The following SLCO5A1 variants were observed in gnomAD, a reference collection of about 807,000 sequenced individuals.
SLCO5A1 encodes the protein solute carrier organic anion transporter family member 5A1, also known as organic anion transporter polypeptide-related protein 4.
Under a neutral mutation model 65.1 loss-of-function variants are expected in SLCO5A1, and 39 were observed. The ratio of observed to expected loss-of-function variants is 0.60; its 90% confidence interval spans 0.46 to 0.78. The LOEUF (loss-of-function observed/expected upper bound fraction) is 0.78, where lower values mean the gene tolerates loss of function less well. Among genes scored for constraint, SLCO5A1 ranks in the 30% least tolerant of loss-of-function variants. The probability of loss-of-function intolerance (pLI) is 0.00; values close to 1 mark genes in which losing one functional copy is unlikely to be tolerated. For missense variants in SLCO5A1, 1,029 were observed against 1,069.4 expected, an observed-to-expected ratio of 0.96 and a Z score of 0.53; for synonymous variants, 438 against 415.7, an observed-to-expected ratio of 1.05 and a Z score of -0.65.
chr8:69,795,459 TA>T (rs1243622612), intron 2 of SLCO5A1, among the ~76,000 whole-genome samples: 1 of 152,150 alleles, frequency 6.6e-6, no homozygotes, highest in Non-Finnish European at 1.5e-5. Context: ...AGGCAGTCAT[TA>T]AATCATAAGC....
chr8:69,782,471 T>C (rs992796940), intron 2 of SLCO5A1, among the ~76,000 whole-genome samples: 3 of 149,690 alleles, frequency 2.0e-5, no homozygotes, highest in African/African-American at 7.4e-5. Flanking sequence ...CCTCAACTAC[T>C]CAGGAGGCTG....
chr8:69,802,328 C>T (rs1819777273), intron 2 of SLCO5A1, among the ~76,000 whole-genome samples: 1 of 151,150 alleles, frequency 6.6e-6, no homozygotes, highest in South Asian at 2.1e-4. Context: ...CATAGTGAGA[C>T]CTCATCTCTA....
chr8:69,682,663 A>T (rs952959879), intron 6 of SLCO5A1, among the ~76,000 whole-genome samples: 2 of 151,950 alleles, frequency 1.3e-5, no homozygotes, highest in South Asian at 2.1e-4. Context: ...TAATATAACT[A>T]CTCACTTACT....
chr8:69,688,752 G>C lies in SLCO5A1; in HGVS notation c.1623-6409C>G, dbSNP rs368177611. ...CAGTCTATCATTGTTGGACATTTGG[G>C]TTGGTTCCAAGTCTTTGCTATTGTG... On this transcript the variant is annotated intron_variant, in intron 6 of 9. Coordinates refer to ENST00000260126, the MANE Select transcript of SLCO5A1 (RefSeq NM_030958.3). 3.9e-4 allele frequency among the ~76,000 whole-genome samples: 60 copies of C among 152,202 alleles called. 1 individual carries two copies. In the South Asian group the frequency reaches 7.0e-3, roughly 18 times the overall value.
At chr8:69,768,527 T>C (rs1818178210) in intron 2 of SLCO5A1, among the ~76,000 whole-genome samples, 1 of 152,118 alleles carries the variant, frequency 6.6e-6, no homozygotes, top group African/African-American at 2.4e-5. Context: ...ATTTCCTCAG[T>C]TTAAGAGGGT....
Position 69,667,161 on chromosome 8 carries a change from C to A in SLCO5A1, c.*5708G>T, listed in dbSNP as rs561354814. ...TCGACAACAGATTTCATTAAACACA[C>A]GGAAATTATACATCTTTTAAATTAC... On this transcript the variant is annotated 3_prime_UTR_variant, in exon 10 of 10. Transcript: ENST00000260126. 18 of 152,150 alleles carry A rather than the reference C, an allele frequency of 1.2e-4. No individual in the cohort carries two copies. The highest frequency in any genetic ancestry group is 2.5e-4 in the Non-Finnish European group (17 of 68,024). The allele number at this position is 152,150 out of a possible 1,614,324, so 9.4% of individuals were successfully genotyped here. A position where few individuals can be genotyped will look rare whatever the true frequency, so the allele number is the denominator to read the frequency against.
intron 2 of SLCO5A1, among the ~76,000 whole-genome samples, chr8:69,801,244 C>G (rs1819722972): frequency 6.6e-6 from 1 of 152,302 alleles, no homozygotes; most frequent in Middle Eastern, 3.4e-3. Context: ...CAAAAATTGT[C>G]AAATACAGAT....
At chr8:69,715,991 C>T (rs1318399137) in intron 5 of SLCO5A1, among the ~76,000 whole-genome samples, 1 of 152,164 alleles carries the variant, frequency 6.6e-6, no homozygotes, top group African/African-American at 2.4e-5. Context: ...TCCCTTGCCC[C>T]GCACTGCTCC....
chr8:69,757,776 T>C (rs907627112), intron 3 of SLCO5A1, among the ~76,000 whole-genome samples: 1 of 10,440 alleles, frequency 9.6e-5, no homozygotes, highest in African/African-American at 9.6e-4. Context: ...TACGAGGTCC[T>C]TACCCATCAG....
chr8:69,827,530 T>C (rs1347350118), intron 2 of SLCO5A1, among the ~76,000 whole-genome samples: 1 of 152,170 alleles, frequency 6.6e-6, no homozygotes, highest in Non-Finnish European at 1.5e-5. Context: ...AGATATACAA[T>C]TACATTCCAT....
intron 6 of SLCO5A1, among the ~76,000 whole-genome samples, chr8:69,684,514 A>T (rs569665230): frequency 6.6e-6 from 1 of 152,256 alleles, no homozygotes; most frequent in Non-Finnish European, 1.5e-5. Context: ...CACCACCACC[A>T]TGGCAGTTTA....
At chr8:69,768,797 T>G (rs1818188635) in intron 2 of SLCO5A1, among the ~76,000 whole-genome samples, 1 of 152,176 alleles carries the variant, frequency 6.6e-6, no homozygotes, top group Admixed American at 6.5e-5. Flanking sequence ...CTTCAACATA[T>G]GAATCCTTGG....
chr8:69,772,932 G>A (rs991090208), intron 2 of SLCO5A1: 1 of 985,242 alleles, frequency 1.0e-6, no homozygotes, highest in African/African-American at 1.7e-5. Flanking sequence ...ATGATCCAAG[G>A]TTCAGTGAGT....
chr8:69,748,662 A>C (rs931131153), intron 4 of SLCO5A1, among the ~76,000 whole-genome samples: 4 of 152,258 alleles, frequency 2.6e-5, no homozygotes, highest in African/African-American at 9.6e-5. Flanking sequence ...CATCATTATC[A>C]GAAACACAGA....
intron 2 of SLCO5A1, among the ~76,000 whole-genome samples, chr8:69,769,958 A>G (rs1818244529): frequency 6.6e-6 from 1 of 152,244 alleles, no homozygotes; most frequent in African/African-American, 2.4e-5. Context: ...CACAATCTCT[A>G]CTACCCAAAT....
chr8:69,812,776 A>G (rs1033079927), intron 2 of SLCO5A1, among the ~76,000 whole-genome samples: 3 of 152,238 alleles, frequency 2.0e-5, no homozygotes, highest in African/African-American at 7.2e-5. Flanking sequence ...TTGAGAGTTT[A>G]ACAATAACAA....
chr8:69,755,345 C>T, intron 4 of SLCO5A1, 79 bp downstream of exon 4: 2 of 1,173,710 alleles, frequency 1.7e-6, no homozygotes, highest in Non-Finnish European at 1.2e-6. Flanking sequence ...AGTGGGTAGA[C>T]AGCATGGGCC....
At position 69,671,742 on chromosome 8, in the gene SLCO5A1, T is replaced by C; in HGVS notation, c.*1127A>G. 1 of 152,202 alleles carries C rather than the reference T, an allele frequency of 6.6e-6. No homozygotes were observed. Among genetic ancestry groups the C allele is most frequent in the Non-Finnish European group, 1.5e-5 (1 of 68,040 alleles). The allele number at this position is 152,202 out of a possible 1,614,324, so 9.4% of individuals were successfully genotyped here. A position where few individuals can be genotyped will look rare whatever the true frequency, so the allele number is the denominator to read the frequency against. On this transcript the variant is annotated 3_prime_UTR_variant, in exon 10 of 10. Transcript: ENST00000260126. ...GGATGGACTGGTTTATTTTACATAA[T>C]TTTCAACAATTACTTAAGATCATAT...
rs146157001 is a variant in SLCO5A1, at chr8:69,695,045, T to C, written c.1622+9986A>G. ...CTGTTAAAGAAGAAAATGGAATTGC[T>C]CTGCATGATCCAGAAAGGAAGGGAG... is the stretch of plus-strand genomic sequence containing the variant. On this transcript the variant is annotated intron_variant, in intron 6 of 9. Coordinates refer to ENST00000260126, the MANE Select transcript of SLCO5A1 (RefSeq NM_030958.3). Among the ~76,000 whole-genome samples the C allele has an allele frequency of 4.1e-4, 62 of 152,330 alleles. 1 individual carries two copies. The South Asian group carries it at 7.3e-3, about 18-fold the overall frequency.
Sources: allele counts gnomAD v4.1 joint callset (sites outside exome capture counted in the v4.1 genomes callset), GRCh38; gene constraint gnomAD v4.1.1; transcripts MANE v1.5; gene names NCBI Gene and HGNC (gene_info 2026-07-23, HGNC 2026-07-21).